ERGIC2: variants seen among roughly 807,000 people sequenced by gnomAD.
The protein encoded by ERGIC2 is endoplasmic reticulum-Golgi intermediate compartment protein 2.
In ERGIC2, 31 loss-of-function variants were observed where a neutral mutation model predicts 52.5. The observed-to-expected ratio is 0.59, with a 90% CI of 0.44 to 0.80. The LOEUF is 0.80. Among genes scored for constraint, ERGIC2 ranks in the 30% least tolerant of loss-of-function variants. The pLI is 0.00. For missense variants in ERGIC2, 395 were observed against 455.2 expected, an observed-to-expected ratio of 0.87 and a Z score of 1.20; for synonymous variants, 129 against 140.6, an observed-to-expected ratio of 0.92 and a Z score of 0.58.
chr12:29,358,626 G>A (rs1029467346), intron 6 of ERGIC2, among the ~76,000 whole-genome samples: 1 of 152,006 alleles, frequency 6.6e-6, no homozygotes, highest in Admixed American at 6.6e-5. Context: ...GTAGCGGGAC[G>A]GGTATATAGG....
chr12:29,368,997 G>A (rs1591998504), intron 3 of ERGIC2, among the ~76,000 whole-genome samples: 1 of 151,854 alleles, frequency 6.6e-6, no homozygotes, highest in East Asian at 1.9e-4. Context: ...ATAATAGACT[G>A]GCTATGATCA....
chr12:29,350,074 A>G lies in ERGIC2; in HGVS notation c.573-6T>C. 2 of 1,585,488 alleles carry G rather than the reference A, an allele frequency of 1.3e-6. No individual in the cohort carries two copies. The highest frequency in any genetic ancestry group is 1.7e-6 in the Non-Finnish European group (2 of 1,155,920). On this transcript the variant is annotated splice_region_variant and splice_polypyrimidine_tract_variant and intron_variant, in intron 8 of 13. Transcript: ENST00000360150. ...CACGAGGATGTGGAATTGCCCTGAA[A>G]GGAGAAAAAACAATTATTAAAGTAG...
intron 3 of ERGIC2, 71 bp from the exon 4 acceptor site, chr12:29,368,358 G>C (rs972099322): frequency 8.8e-6 from 7 of 798,146 alleles, no homozygotes; most frequent in Non-Finnish European, 1.5e-5. Flanking sequence ...TAAATCAACT[G>C]ACCTATTAAA....
intron 5 of ERGIC2, among the ~76,000 whole-genome samples, chr12:29,365,407 G>A (rs1168508395): frequency 6.6e-6 from 1 of 151,832 alleles, no homozygotes; most frequent in Non-Finnish European, 1.5e-5. Flanking sequence ...CTAAACGCTG[G>A]GTACTCATAG....
At chr12:29,358,688 A>C (rs1940242491) in intron 6 of ERGIC2, among the ~76,000 whole-genome samples, 1 of 152,136 alleles carries the variant, frequency 6.6e-6, no homozygotes, top group African/African-American at 2.4e-5. Flanking sequence ...CTAAAAGAAA[A>C]ATACATACAT....
At chr12:29,347,724 T>C (rs557870769) in intron 10 of ERGIC2, among the ~76,000 whole-genome samples, 9 of 152,200 alleles carry the variant, frequency 5.9e-5, no homozygotes, top group Admixed American at 1.3e-4. Context: ...AGATATGTAA[T>C]GTTGATTTTT....
intron 5 of ERGIC2, among the ~76,000 whole-genome samples, chr12:29,366,353 C>G (rs1167887641): frequency 6.6e-6 from 1 of 151,856 alleles, no homozygotes; most frequent in Non-Finnish European, 1.5e-5. Flanking sequence ...AAGAAAATGT[C>G]AGCATTTCAC....
chr12:29,368,198 C>A (rs1406679968), intron 4 of ERGIC2, 43 bp downstream of exon 4: 3 of 1,285,558 alleles, frequency 2.3e-6, no homozygotes, highest in Non-Finnish European at 1.1e-6. Flanking sequence ...ATTGTTTGAA[C>A]CATAACCTAC....
intron 1 of ERGIC2, among the ~76,000 whole-genome samples, chr12:29,379,676 C>T (rs1940560009): frequency 6.6e-6 from 1 of 152,132 alleles, no homozygotes; most frequent in South Asian, 2.1e-4. Flanking sequence ...TCCTCACAAC[C>T]TTCCTATGAG....
chr12:29,364,189 A>T (rs1940325886), intron 5 of ERGIC2, among the ~76,000 whole-genome samples: 1 of 152,150 alleles, frequency 6.6e-6, no homozygotes, highest in Non-Finnish European at 1.5e-5. Flanking sequence ...AGATAATAGC[A>T]GAAGATACAG....
chr12:29,352,640 A>G (rs1940148464), intron 8 of ERGIC2, among the ~76,000 whole-genome samples: 1 of 152,152 alleles, frequency 6.6e-6, no homozygotes, highest in Admixed American at 6.5e-5. Flanking sequence ...CTCCAGCATG[A>G]GCAACAGAGC....
chr12:29,373,595 C>A (rs1316161125), intron 1 of ERGIC2, among the ~76,000 whole-genome samples: 1 of 152,088 alleles, frequency 6.6e-6, no homozygotes, highest in Non-Finnish European at 1.5e-5. Flanking sequence ...AAGCTCTGAC[C>A]AGGAGCACTA....
At chr12:29,350,819 C>A (rs1940120588) in intron 8 of ERGIC2, among the ~76,000 whole-genome samples, 1 of 152,004 alleles carries the variant, frequency 6.6e-6, no homozygotes, top group Non-Finnish European at 1.5e-5. Context: ...AGTCCAGATC[C>A]TTGCTTTAAC....
Position 29,345,467 on chromosome 12 carries a change from G to T in ERGIC2, c.801C>A (p.Thr267=). Reference sequence around the variant, plus strand: ...CCCTTTCTGTCACAGAAAACTGATGGGTGTCTGCTGATATTTTATATGTAT... The same window carrying T: ...CCCTTTCTGTCACAGAAAACTGATGTGTGTCTGCTGATATTTTATATGTAT... ...KLHTYKISAD[T]HQFSVTERER... The change falls in exon 11 of 14, where the codon ACC becomes ACA. Residue 267 remains threonine, a synonymous_variant. Transcript: ENST00000360150. 1.3e-6 allele frequency: 2 copies of T among 1,590,146 alleles called. No homozygotes were observed. The highest frequency in any genetic ancestry group is 1.7e-6 in the Non-Finnish European group (2 of 1,160,442).
chr12:29,341,267 T>C (rs1306907250), intron 13 of ERGIC2, 49 bp from the exon 14 acceptor site: 3 of 1,401,282 alleles, frequency 2.1e-6, no homozygotes, highest in Non-Finnish European at 3.0e-6. Flanking sequence ...GTTTTATTCC[T>C]TATACTCTTT....
chr12:29,358,487 C>A (rs1381752876), intron 6 of ERGIC2, among the ~76,000 whole-genome samples: 1 of 152,076 alleles, frequency 6.6e-6, no homozygotes, highest in Non-Finnish European at 1.5e-5. Flanking sequence ...TCAGAACTCA[C>A]AGAATGTACG....
At chr12:29,379,102 C>G (rs1301451588) in intron 1 of ERGIC2, among the ~76,000 whole-genome samples, 1 of 152,060 alleles carries the variant, frequency 6.6e-6, no homozygotes, top group African/African-American at 2.4e-5. Context: ...AGAGTGATAA[C>G]AGAATAACCT....
At chr12:29,364,948 A>G (rs1261951446) in intron 5 of ERGIC2, among the ~76,000 whole-genome samples, 3 of 147,252 alleles carry the variant, frequency 2.0e-5, no homozygotes, top group Admixed American at 6.8e-5. Flanking sequence ...AAAGTCAAAA[A>G]GAAAAAAAAA....
intron 10 of ERGIC2, among the ~76,000 whole-genome samples, chr12:29,347,962 T>G (rs1442814075): frequency 6.6e-6 from 1 of 152,212 alleles, no homozygotes; most frequent in Non-Finnish European, 1.5e-5. Context: ...AAATTTGTAG[T>G]TCATTTTAGC....
Sources: gnomAD v4.1 joint callset for allele counts (sites outside exome capture counted in the v4.1 genomes callset) on GRCh38, gnomAD v4.1.1 for gene constraint, MANE v1.5 for transcripts, NCBI Gene and HGNC (gene_info 2026-07-23, HGNC 2026-07-21) for gene names.